ZNF320: variants seen among roughly 807,000 people sequenced by gnomAD.
ZNF320 encodes the protein zinc finger gene 320.
A neutral mutation model predicts 6.8 loss-of-function variants in ZNF320; 2 were observed. The observed-to-expected ratio is 0.29, with a 90% confidence interval of 0.12 to 0.93. The LOEUF (loss-of-function observed/expected upper bound fraction) is 0.93. Among genes scored for constraint, ZNF320 ranks in the 40% least tolerant of loss-of-function variants. The pLI is 0.55. For synonymous variants in ZNF320, 208 were observed against 203.2 expected, an observed-to-expected ratio of 1.02 and a Z score of -0.20; for missense variants, 472 against 611.0, an observed-to-expected ratio of 0.77 and a Z score of 2.40.
chr19:52,884,108 T>C (rs1600625907), intron 5 of ZNF320, among the ~76,000 whole-genome samples: 1 of 152,192 alleles, frequency 6.6e-6, no homozygotes, highest in Non-Finnish European at 1.5e-5. Flanking sequence ...GGCAGGAAGA[T>C]GGCTGGGCTA....
At chr19:52,898,529 G>A (rs982798604), upstream of ZNF320, among the ~76,000 whole-genome samples, 1 of 152,238 alleles carries the variant, frequency 6.6e-6, no homozygotes, top group Non-Finnish European at 1.5e-5. Context: ...ACAGTGTGTA[G>A]CAGGGCTAGC....
At chr19:52,868,358 T>C (rs2147777989) in intron 5 of ZNF320, among the ~76,000 whole-genome samples, 1 of 152,024 alleles carries the variant, frequency 6.6e-6, no homozygotes, top group South Asian at 2.1e-4. Context: ...AATACAAAAT[T>C]AGCTGGGTGT....
chr19:52,882,707 C>T (rs1600621625), intron 5 of ZNF320, among the ~76,000 whole-genome samples: 3 of 152,098 alleles, frequency 2.0e-5, no homozygotes, highest in African/African-American at 4.8e-5. Context: ...CTTTGGAAGG[C>T]GGAGGCAGGC....
intron 5 of ZNF320, among the ~76,000 whole-genome samples, chr19:52,869,983 T>A (rs2147781557): frequency 6.6e-6 from 1 of 151,662 alleles, no homozygotes; most frequent in East Asian, 2.0e-4. Context: ...CCCAAAGTGC[T>A]GGGATTACAG....
At chr19:52,886,508 C>T (rs2064083189) in intron 5 of ZNF320, among the ~76,000 whole-genome samples, 1 of 152,168 alleles carries the variant, frequency 6.6e-6, no homozygotes, top group Non-Finnish European at 1.5e-5. Context: ...AATAACCTCT[C>T]CCCATATATC....
the ZNF320 span, among the ~76,000 whole-genome samples, chr19:52,903,022 T>C: frequency 6.6e-6 from 1 of 152,248 alleles, no homozygotes; most frequent in Non-Finnish European, 1.5e-5. Context: ...ATCCACATTC[T>C]TATGCCTCCT....
At position 52,877,619 on chromosome 19, in the gene ZNF320, G is replaced by C. The variant is rs2063798692; in HGVS notation, c.*2977C>G. ...TAGGGTGGAGATCTTGAGGTTCCCG[G>C]TTTGGGAGGGGCATATGTAGCTTTT... On this transcript the variant is annotated 3_prime_UTR_variant, in exon 6 of 6. Coordinates refer to ENST00000682928, the MANE Select transcript of ZNF320 (RefSeq NM_001351774.2). 1 of 152,244 alleles carries C rather than the reference G, an allele frequency of 6.6e-6. No individual in the cohort carries two copies. The highest frequency in any genetic ancestry group is 1.5e-5 in the Non-Finnish European group (1 of 68,054). The allele number at this position is 152,244 out of a possible 1,614,324, so 9.4% of individuals were successfully genotyped here. A position where few individuals can be genotyped will look rare whatever the true frequency, so the allele number is the denominator to read the frequency against.
downstream of ZNF320, among the ~76,000 whole-genome samples, chr19:52,859,886 G>T (rs1362915388): frequency 6.6e-6 from 1 of 151,088 alleles, no homozygotes. Flanking sequence ...ATAAACAAAG[G>T]AAATGCCTCC....
rs527933933 is a variant in ZNF320, at chr19:52,879,822, A to G, written c.*774T>C. The G allele has an allele frequency of 3.3e-5, 5 of 152,378 alleles. No homozygotes were observed. Among genetic ancestry groups the G allele is most frequent in the African/African-American group, 1.2e-4 (5 of 41,602 alleles). The allele number at this position is 152,378 out of a possible 1,614,324, so 9.4% of individuals were successfully genotyped here. On this transcript the variant is annotated 3_prime_UTR_variant, in exon 6 of 6. Coordinates refer to ENST00000682928, the MANE Select transcript of ZNF320 (RefSeq NM_001351774.2). ...ATAAACAATTTAAAAAGAAAATTAA[A>G]AAAACACTTTCATTTGCTAAAGAAC...
chr19:52,859,914 C>CTTT (rs36107250), downstream of ZNF320, among the ~76,000 whole-genome samples: 2 of 130,894 alleles, frequency 1.5e-5, no homozygotes, highest in South Asian at 2.4e-4. Flanking sequence ...GTTTTTCTTT[C>CTTT]TTTTTTTTTT....
chr19:52,901,132 TA>T (rs1289434039), upstream of ZNF320, among the ~76,000 whole-genome samples: 2 of 152,206 alleles, frequency 1.3e-5, no homozygotes, highest in East Asian at 3.8e-4. Context: ...AAATGGGTTA[TA>T]ACACACATCA....
chr19:52,860,885 A>G (rs10410884), exon 6 of ZNF320, among the ~76,000 whole-genome samples: 44,488 of 151,948 alleles, frequency 0.29, 6,843 homozygotes, highest in African/African-American at 0.37. Flanking sequence ...CCTGTTTAAC[A>G]GTTTTTCCAC....
At chr19:52,865,493 A>G (rs1459678322) in intron 5 of ZNF320, 2 of 139,036 alleles carry the variant, frequency 1.4e-5, no homozygotes, top group Admixed American at 7.7e-5. Flanking sequence ...TAATACATAT[A>G]TATTATACAT....
rs530806733 is a variant in ZNF320 at position 52,866,096 on chromosome 19, ATG to A, written c.224-1939_224-1938del. On this transcript the variant is annotated intron_variant, in intron 5 of 5. Coordinates refer to the ZNF320 transcript ENST00000673631. The stretch of plus-strand genomic sequence containing the variant: ...TATATGATTATACATATATTTATAT[ATG>A]TATGATTATACATATATTTATATAT... Among the ~76,000 whole-genome samples, 29 of 29,934 alleles carry A rather than the reference ATG, an allele frequency of 9.7e-4. 4 individuals carry two copies. The highest frequency in any genetic ancestry group is 2.5e-3 in the African/African-American group (15 of 5,922). 19.6% of individuals were successfully genotyped at this position (29,934 alleles called of 152,430 possible). A position where few individuals can be genotyped will look rare whatever the true frequency, so the allele number is the denominator to read the frequency against.
intron 5 of ZNF320, chr19:52,865,319 T>C: frequency 3.5e-6 from 1 of 288,872 alleles, no homozygotes; most frequent in South Asian, 3.8e-5. Flanking sequence ...CGGTACCCCA[T>C]TTCAAATATA....
chr19:52,888,923 C>T (rs545803154), intron 4 of ZNF320, among the ~76,000 whole-genome samples: 6 of 152,138 alleles, frequency 3.9e-5, no homozygotes, highest in South Asian at 4.1e-4. Flanking sequence ...CAGTGGCTCA[C>T]GTCTGTAATC....
At chr19:52,882,076 A>AT (rs1169510191) in intron 5 of ZNF320, 93 bp from the exon 6 acceptor site, 9 of 1,279,078 alleles carry the variant, frequency 7.0e-6, no homozygotes, top group South Asian at 3.4e-5. Flanking sequence ...AAAAATACTT[A>AT]TTTTAAACTT....
At chr19:52,862,792 G>T in exon 6 of ZNF320, 1 of 352,056 alleles carries the variant, frequency 2.8e-6, no homozygotes, top group Non-Finnish European at 5.8e-6. Context: ...TGCATTGCAA[G>T]GTGTGATCTG....
chr19:52,884,106 G>A (rs1253238153), intron 5 of ZNF320, among the ~76,000 whole-genome samples: 8 of 152,158 alleles, frequency 5.3e-5, no homozygotes, highest in Non-Finnish European at 1.2e-4. Context: ...ATGGCAGGAA[G>A]ATGGCTGGGC....
Sources: allele counts gnomAD v4.1 joint callset (sites outside exome capture counted in the v4.1 genomes callset), GRCh38; gene constraint gnomAD v4.1.1; transcripts MANE v1.5; gene names NCBI Gene and HGNC (gene_info 2026-07-23, HGNC 2026-07-21).